Variants in LRRC8A observed in about 807,000 individuals in gnomAD.
LRRC8A encodes volume-regulated anion channel subunit LRRC8A.
A neutral mutation model predicts 52.5 loss-of-function variants in LRRC8A; 24 were observed. The observed-to-expected ratio is 0.46, with a 90% CI of 0.33 to 0.64. LRRC8A has a LOEUF of 0.64. LRRC8A is among the 30% of genes least tolerant of loss of function. The pLI is 0.02. For synonymous variants in LRRC8A, 492 were observed against 494.2 expected (o/e 1.00, Z 0.06); for missense variants, 677 against 1,094.7 (o/e 0.62, Z 5.38).
At chr9:128,906,316 A>ATTTTTTT (rs71383620) in intron 2 of LRRC8A, among the ~76,000 whole-genome samples, 129 of 79,124 alleles carry the variant, frequency 1.6e-3, no homozygotes, top group Admixed American at 2.0e-3. Context: ...CCCATGTGGA[A>ATTTTTTT]TTTTTTTTTT....
chr9:128,897,394 G>A (rs1265057954), intron 2 of LRRC8A, among the ~76,000 whole-genome samples: 1 of 150,960 alleles, frequency 6.6e-6, no homozygotes, highest in African/African-American at 2.4e-5. Flanking sequence ...TATATTTTTA[G>A]TAGAGACAGG....
chr9:128,889,542 C>A (rs1357668227), intron 2 of LRRC8A, among the ~76,000 whole-genome samples: 1 of 151,744 alleles, frequency 6.6e-6, no homozygotes, highest in East Asian at 1.9e-4. Context: ...GTCACCCAGG[C>A]TGGAGTGCAG....
In LRRC8A at chr9:128,916,495, T is replaced by TG; in HGVS notation, c.*128dup. 2.4e-6 allele frequency: 3 copies of TG among 1,246,524 alleles called. No individual in the cohort carries two copies. The highest frequency in any genetic ancestry group is 2.6e-5 in the East Asian group (1 of 39,108). The allele number at this position is 1,246,524 out of a possible 1,614,324, so 77.2% of individuals were successfully genotyped here. ...ACAGCCTCGTGGCTGGGCAGGAGCC[T>TG]GGGGCCGCTTGTGAGTCAGGCCAGA... is the stretch of plus-strand genomic sequence containing the variant. On this transcript the variant is annotated 3_prime_UTR_variant, in exon 4 of 4. Coordinates refer to ENST00000372600, the MANE Select transcript of LRRC8A (RefSeq NM_019594.4). This position sits in a 1 kb window ranked among gnomAD's most constrained non-coding sequence, Gnocchi z 6.1.
At chr9:128,886,775 C>G (rs1042089037) in intron 2 of LRRC8A, among the ~76,000 whole-genome samples, 1 of 152,182 alleles carries the variant, frequency 6.6e-6, no homozygotes, top group Non-Finnish European at 1.5e-5. Context: ...AAGGTGGTCC[C>G]GAGTCATAGC....
intron 2 of LRRC8A, among the ~76,000 whole-genome samples, chr9:128,905,542 T>C (rs1840212125): frequency 2.0e-5 from 3 of 152,014 alleles, no homozygotes; most frequent in Admixed American, 1.3e-4. Flanking sequence ...ACCAAAGTTA[T>C]GTGTTAAAAA....
intron 2 of LRRC8A, among the ~76,000 whole-genome samples, chr9:128,887,766 C>G (rs914296170): frequency 6.6e-6 from 1 of 152,030 alleles, no homozygotes; most frequent in African/African-American, 2.4e-5. Context: ...CTCAGCCTCC[C>G]GAGTAGCTGG....
intron 2 of LRRC8A, among the ~76,000 whole-genome samples, chr9:128,901,186 C>T (rs141391237): frequency 3.5e-4 from 53 of 150,946 alleles, no homozygotes; most frequent in African/African-American, 1.0e-3. Flanking sequence ...AAAAACAGAC[C>T]GGGCACAGTG....
chr9:128,909,354 C>T (rs906306415), intron 3 of LRRC8A, 33 bp downstream of exon 3: 1 of 1,597,238 alleles, frequency 6.3e-7, no homozygotes, highest in Non-Finnish European at 8.5e-7. Flanking sequence ...TGCGTGTGGG[C>T]TGGCGGGTGG....
chr9:128,914,886 C>G (rs150490930), intron 3 of LRRC8A, among the ~76,000 whole-genome samples: 1 of 152,232 alleles, frequency 6.6e-6, no homozygotes, highest in Non-Finnish European at 1.5e-5. Flanking sequence ...GGAGACAGCA[C>G]GAACCCACTG....
chr9:128,893,641 G>A (rs1469030473), intron 2 of LRRC8A, among the ~76,000 whole-genome samples: 1 of 152,062 alleles, frequency 6.6e-6, no homozygotes, highest in African/African-American at 2.4e-5. Context: ...TGTTTCTAAT[G>A]TACGGATGGC....
At chr9:128,884,651 G>A (rs746515212) in intron 1 of LRRC8A, among the ~76,000 whole-genome samples, 53 of 152,154 alleles carry the variant, frequency 3.5e-4, no homozygotes, top group Non-Finnish European at 6.3e-4. Context: ...GAAGAGGAGG[G>A]ACTAGAATAA....
intron 1 of LRRC8A, chr9:128,884,885 C>T (rs55944344): frequency 0.084 from 12,752 of 152,288 alleles, 833 homozygotes; most frequent in African/African-American, 0.18. Flanking sequence ...CCTCCCATGA[C>T]GGCGGAGACC....
chr9:128,904,008 A>G (rs1840136666), intron 2 of LRRC8A, among the ~76,000 whole-genome samples: 1 of 151,994 alleles, frequency 6.6e-6, no homozygotes, highest in Non-Finnish European at 1.5e-5. Flanking sequence ...AGCCTGGGTG[A>G]CAGAGTGAGA....
intron 2 of LRRC8A, among the ~76,000 whole-genome samples, chr9:128,904,974 G>A (rs1840182738): frequency 1.4e-5 from 2 of 145,440 alleles, no homozygotes; most frequent in South Asian, 4.4e-4. Context: ...CTCCAGCCTA[G>A]GCAACAGAGC....
chr9:128,900,565 G>A (rs150085517), intron 2 of LRRC8A, among the ~76,000 whole-genome samples: 1,815 of 151,900 alleles, frequency 0.012, 34 homozygotes, highest in Non-Finnish European at 0.016. Flanking sequence ...AATATTAGCC[G>A]GGCATGGTGG....
At chr9:128,900,914 C>T (rs1839999278) in intron 2 of LRRC8A, among the ~76,000 whole-genome samples, 1 of 152,002 alleles carries the variant, frequency 6.6e-6, no homozygotes. Context: ...GTGGCTCACA[C>T]CTGTAATCCC....
chr9:128,907,960 C>G lies in LRRC8A; in HGVS notation c.796C>G (p.Arg266Gly). ...GGACATTGTGTACCGCCTCTACATG[C>G]GGCAGACCATCATCAAGGTGATCAA... ...EGDIVYRLYMRQTIIKVIKFI... is the reference protein window; with the variant it reads ...EGDIVYRLYMGQTIIKVIKFI... Residue 266 changes from arginine to glycine, a missense_variant, in exon 3 of 4, where the codon CGG becomes GGG. By Grantham distance (125) the Arg-to-Gly change is moderately radical. Transcript: ENST00000372600. The surrounding 1 kb of genome is among the most constrained non-coding windows in gnomAD (Gnocchi z 9.3). The G allele has an allele frequency of 6.2e-7, 1 of 1,614,114 alleles. No individual in the cohort carries two copies. The highest frequency in any genetic ancestry group is 8.5e-7 in the Non-Finnish European group (1 of 1,180,018).
chr9:128,886,207 C>G (rs1462653674), intron 2 of LRRC8A, 86 bp downstream of exon 2: 1 of 152,600 alleles, frequency 6.6e-6, no homozygotes, highest in Non-Finnish European at 1.5e-5. Flanking sequence ...GGTAGCATCT[C>G]CATCCCCACA....
chr9:128,884,087 C>A (rs187281671), intron 1 of LRRC8A, among the ~76,000 whole-genome samples: 1 of 152,156 alleles, frequency 6.6e-6, no homozygotes, highest in African/African-American at 2.4e-5. Context: ...ACCAGGAAGC[C>A]GTTTCCTTTG....
Sources: allele counts gnomAD v4.1 joint callset (sites outside exome capture counted in the v4.1 genomes callset), GRCh38; gene constraint gnomAD v4.1.1; non-coding constraint Gnocchi (gnomAD v3.1); transcripts MANE v1.5; gene names NCBI Gene and HGNC (gene_info 2026-07-23, HGNC 2026-07-21).